Variants in PARD3 observed in about 807,000 individuals in gnomAD.
PARD3 encodes the protein partitioning defective 3 homolog.
A neutral mutation model predicts 155.4 loss-of-function variants in PARD3; 75 were observed. The observed-to-expected ratio is 0.48, with a 90% confidence interval of 0.40 to 0.58. The LOEUF is 0.58. Among genes scored for constraint, PARD3 ranks in the 20% least tolerant of loss-of-function variants. The probability of loss-of-function intolerance (pLI) is 0.00; values close to 1 mark genes in which losing one functional copy is unlikely to be tolerated. For synonymous variants in PARD3, 576 were observed against 610.5 expected, an observed-to-expected ratio of 0.94 and a Z score of 0.83; for missense variants, 1,642 against 1,721.7, an observed-to-expected ratio of 0.95 and a Z score of 0.82.
At chr10:34,529,216 A>T (rs2133779681) in intron 2 of PARD3, among the ~76,000 whole-genome samples, 1 of 152,282 alleles carries the variant, frequency 6.6e-6, no homozygotes, top group South Asian at 2.1e-4. Context: ...GGTTTCATCC[A>T]ATCTGAATGC....
intron 2 of PARD3, among the ~76,000 whole-genome samples, chr10:34,591,639 C>A (rs2088693914): frequency 6.6e-6 from 1 of 152,096 alleles, no homozygotes; most frequent in Non-Finnish European, 1.5e-5. Context: ...TAAAGAGGAG[C>A]CCACCTAAAA....
chr10:34,118,123 G>A (rs1463719666), intron 24 of PARD3, among the ~76,000 whole-genome samples: 1 of 152,136 alleles, frequency 6.6e-6, no homozygotes, highest in Non-Finnish European at 1.5e-5. Flanking sequence ...ACCTACAGCA[G>A]GCTAAAGAAC....
chr10:34,808,847 TTCTC>T (rs1040190486), intron 1 of PARD3, among the ~76,000 whole-genome samples: 1 of 150,430 alleles, frequency 6.6e-6, no homozygotes, highest in Non-Finnish European at 1.5e-5. Context: ...ATCCGCCAGA[TTCTC>T]TCTGAGAATC....
rs1407662038 is a variant in PARD3, at chr10:34,284,131, C to T, written c.3176+4G>A. The T allele has an allele frequency of 6.5e-7, 1 of 1,528,576 alleles. No homozygotes were observed. The highest frequency in any genetic ancestry group is 2.3e-5 in the East Asian group (1 of 43,440). 94.7% of individuals were successfully genotyped at this position (1,528,576 alleles called of 1,614,324 possible). ...GGAGGTTTAATCAAGTAACTGAAGT[C>T]TACCTCTCCTGCTCCTGCTTCATTC... On this transcript the variant is annotated splice_donor_region_variant and intron_variant, in intron 21 of 24. Coordinates refer to ENST00000374788, the MANE Select transcript of PARD3 (RefSeq NM_001184785.2).
At chr10:34,771,771 A>G (rs1486820720) in intron 1 of PARD3, among the ~76,000 whole-genome samples, 1 of 152,234 alleles carries the variant, frequency 6.6e-6, no homozygotes, top group Non-Finnish European at 1.5e-5. Context: ...GATAGAAATG[A>G]ACATCCTGTG....
At chr10:34,651,340 T>A (rs902075338) in intron 2 of PARD3, among the ~76,000 whole-genome samples, 2 of 152,136 alleles carry the variant, frequency 1.3e-5, no homozygotes, top group Admixed American at 6.5e-5. Flanking sequence ...CCTTTGATAC[T>A]CCCCACTAAA....
At chr10:34,264,615 C>T (rs541276691) in intron 22 of PARD3, among the ~76,000 whole-genome samples, 115 of 152,180 alleles carry the variant, frequency 7.6e-4, no homozygotes, top group African/African-American at 2.5e-3. Flanking sequence ...AAAAGACTAG[C>T]TTTATAGGAA....
At chr10:34,794,758 A>C (rs1238507715) in intron 1 of PARD3, among the ~76,000 whole-genome samples, 2 of 152,228 alleles carry the variant, frequency 1.3e-5, no homozygotes, top group African/African-American at 4.8e-5. Flanking sequence ...ACTACTTCTT[A>C]AGTTTGTCAG....
At chr10:34,611,458 A>T (rs2090884501) in intron 2 of PARD3, among the ~76,000 whole-genome samples, 1 of 152,228 alleles carries the variant, frequency 6.6e-6, no homozygotes, top group Non-Finnish European at 1.5e-5. Context: ...CGCAGAGCAT[A>T]CACCAAGGAA....
chr10:34,309,548 C>CAAAAAAAAAAAAA (rs1173904388), intron 20 of PARD3, among the ~76,000 whole-genome samples: 9 of 64,030 alleles, frequency 1.4e-4, no homozygotes, highest in East Asian at 7.7e-4. Context: ...ACCCTGTCTC[C>CAAAAAAAAAAAAA]AAAAAAAAAA....
At chr10:34,345,786 G>T in intron 15 of PARD3, 1 of 985,302 alleles carries the variant, frequency 1.0e-6, no homozygotes, top group Non-Finnish European at 1.2e-6. Flanking sequence ...GTAACGTCTT[G>T]AACAGGATTT....
intron 1 of PARD3, among the ~76,000 whole-genome samples, chr10:34,776,452 A>G (rs1839535603): frequency 6.6e-6 from 1 of 152,154 alleles, no homozygotes; most frequent in Non-Finnish European, 1.5e-5. Context: ...TAAACACTTC[A>G]GGGGCCAGCA....
chr10:34,451,014 G>GA (rs1476891957), intron 4 of PARD3, among the ~76,000 whole-genome samples: 1 of 152,086 alleles, frequency 6.6e-6, no homozygotes, highest in East Asian at 1.9e-4. Flanking sequence ...AACATCAGGG[G>GA]AAAAAACTGG....
intron 22 of PARD3, among the ~76,000 whole-genome samples, chr10:34,261,817 GAAAGAAAGAAAC>G (rs1462326126): frequency 0.012 from 1,188 of 96,600 alleles, 30 homozygotes; most frequent in Middle Eastern, 0.033. Flanking sequence ...AAGAAAGAAA[GAAAGAAAGAAAC>G]AAACAAACAA....
chr10:34,530,442 A>T (rs2082769759), intron 2 of PARD3, among the ~76,000 whole-genome samples: 1 of 152,174 alleles, frequency 6.6e-6, no homozygotes, highest in Non-Finnish European at 1.5e-5. Context: ...CCTCATGATC[A>T]GGCACTGGTT....
intron 12 of PARD3, among the ~76,000 whole-genome samples, chr10:34,366,532 C>T (rs1291847072): frequency 1.3e-5 from 2 of 151,930 alleles, no homozygotes; most frequent in Non-Finnish European, 2.9e-5. Context: ...TGAATGAGCA[C>T]CTTAGGACAG....
intron 11 of PARD3, among the ~76,000 whole-genome samples, chr10:34,374,559 C>T (rs2134663902): frequency 6.6e-6 from 1 of 152,256 alleles, no homozygotes; most frequent in East Asian, 1.9e-4. Flanking sequence ...TGTGGAGTGA[C>T]AGTTCTGAAA....
At chr10:34,184,515 A>G (rs642099) in intron 22 of PARD3, among the ~76,000 whole-genome samples, 36,156 of 152,010 alleles carry the variant, frequency 0.24, 4,457 homozygotes, top group Middle Eastern at 0.36. Flanking sequence ...GGGGGGTATT[A>G]TATAAATGCA....
chr10:34,378,927 G>C lies in PARD3; in HGVS notation c.1400-821C>G, dbSNP rs544467949. On this transcript the variant is annotated intron_variant, in intron 9 of 24. Transcript: ENST00000374788. ...CATGCTCAATACAAAGCAGAAAAGT[G>C]TTTATATGTCACTAGAATCAAGACG... Among the ~76,000 whole-genome samples, 3 of 152,292 alleles carry C rather than the reference G, an allele frequency of 2.0e-5. No homozygotes were observed. The South Asian group carries it at 6.2e-4, about 32-fold the overall frequency.
Sources: gnomAD v4.1 joint callset for allele counts (sites outside exome capture counted in the v4.1 genomes callset) on GRCh38, gnomAD v4.1.1 for gene constraint, MANE v1.5 for transcripts, NCBI Gene and HGNC (gene_info 2026-07-23, HGNC 2026-07-21) for gene names.